Variants in PTPRN2 observed in about 807,000 individuals in gnomAD.
PTPRN2 encodes the protein protein tyrosine phosphatase receptor type N2, also known as receptor-type tyrosine-protein phosphatase N2.
Under a neutral mutation model 118.8 loss-of-function variants are expected in PTPRN2, and 74 were observed. That is an observed-to-expected ratio of 0.62 (90% CI 0.52 to 0.76). The LOEUF (loss-of-function observed/expected upper bound fraction) is 0.76, where lower values mean the gene tolerates loss of function less well. PTPRN2 is among the 30% of genes least tolerant of loss of function. PTPRN2 has a pLI of 0.00. For synonymous variants in PTPRN2, 641 were observed against 608.0 expected, an observed-to-expected ratio of 1.05 and a Z score of -0.80; for missense variants, 1,481 against 1,394.4, an observed-to-expected ratio of 1.06 and a Z score of -0.99.
chr7:158,118,178 G>T (rs540572307), intron 9 of PTPRN2, among the ~76,000 whole-genome samples: 1 of 152,012 alleles, frequency 6.6e-6, no homozygotes, highest in Admixed American at 6.5e-5. Context: ...TTTAAGAAAC[G>T]AATAAATTTT....
chr7:157,966,008 A>G (rs1801896791), intron 11 of PTPRN2, among the ~76,000 whole-genome samples: 3 of 152,228 alleles, frequency 2.0e-5, no homozygotes, highest in African/African-American at 7.2e-5. Context: ...TTTCACAGAC[A>G]CAGAGACACA....
At chr7:157,657,896 TCA>T (rs1176555343) in intron 13 of PTPRN2, among the ~76,000 whole-genome samples, 1 of 75,478 alleles carries the variant, frequency 1.3e-5, no homozygotes, top group African/African-American at 4.9e-5. Flanking sequence ...ACCACACACA[TCA>T]CAGACACACA....
chr7:157,991,050 G>T (rs571159029), intron 11 of PTPRN2, among the ~76,000 whole-genome samples: 4 of 152,302 alleles, frequency 2.6e-5, no homozygotes, highest in Admixed American at 2.0e-4. Context: ...CCACTGCCAG[G>T]CTTTGGGGTG....
In PTPRN2 at chr7:157,986,140, G is replaced by A. The variant is rs1803770758; in HGVS notation, c.1724-87403C>T. On this transcript the variant is annotated intron_variant, in intron 11 of 22. Coordinates refer to ENST00000389418, the MANE Select transcript of PTPRN2 (RefSeq NM_002847.5). This position sits in a 1 kb window ranked among gnomAD's most constrained non-coding sequence, Gnocchi z 4.5. ...GGTGCTCAGTGAGGCAATAGCATGA[G>A]ATAGATACCCTCATCTACAGCCCCG... Among the ~76,000 whole-genome samples, 1 of 152,210 alleles carries A rather than the reference G, an allele frequency of 6.6e-6. No homozygotes were observed. The highest frequency in any genetic ancestry group is 1.5e-5 in the Non-Finnish European group (1 of 68,046).
At chr7:158,414,067 C>CAA (rs34928217) in intron 2 of PTPRN2, among the ~76,000 whole-genome samples, 23 of 76,420 alleles carry the variant, frequency 3.0e-4, no homozygotes, top group African/African-American at 8.6e-4. Flanking sequence ...GCCTCTATCT[C>CAA]AAAAAAAAAA....
At chr7:158,161,872 A>G (rs1226604804) in intron 6 of PTPRN2, among the ~76,000 whole-genome samples, 1 of 152,208 alleles carries the variant, frequency 6.6e-6, no homozygotes. Context: ...ATATTCAAGA[A>G]CTTTACAAAC....
At chr7:158,066,490 G>A (rs573057857) in intron 11 of PTPRN2, among the ~76,000 whole-genome samples, 1 of 152,302 alleles carries the variant, frequency 6.6e-6, no homozygotes, top group South Asian at 2.1e-4. Context: ...CCTCAGTATG[G>A]AAGGGCTCTG....
chr7:158,352,976 C>G (rs547220469), intron 2 of PTPRN2, among the ~76,000 whole-genome samples: 3 of 152,262 alleles, frequency 2.0e-5, no homozygotes, highest in African/African-American at 7.2e-5. Context: ...GCCAATAGGC[C>G]AGACACTCGC....
Position 157,886,229 on chromosome 7 carries a change from C to G in PTPRN2, c.1788+12444G>C, listed in dbSNP as rs561649316. On this transcript the variant is annotated intron_variant, in intron 12 of 22. Transcript: ENST00000389418. ...CTTGCCTTCCACTAAGACCCAGGCA[C>G]AAGGCGGGCCTCCGTTTCTTCAGCG... Among the ~76,000 whole-genome samples the G allele has an allele frequency of 2.6e-5, 4 of 152,276 alleles. No homozygotes were observed. The South Asian group carries it at 8.3e-4, about 32-fold the overall frequency.
Position 157,748,294 on chromosome 7 carries a change from CTGGGGGATTCTGAGGCCTG to C in PTPRN2, c.1789-65376_1789-65358del, listed in dbSNP as rs1563067491. On this transcript the variant is annotated intron_variant, in intron 12 of 22. Transcript: ENST00000389418. ...CCTGCGTCCCTGAGCTGTGGGGTGT[CTGGGGGATTCTGAGGCCTG>C]CATCTCTGAGCAGAGGGGTGTCCGG... Among the ~76,000 whole-genome samples, 12 of 129,206 alleles carry C rather than the reference CTGGGGGATTCTGAGGCCTG, an allele frequency of 9.3e-5. No homozygotes were observed. The South Asian group carries it at 2.0e-3, about 21-fold the overall frequency. The allele number at this position is 129,206 out of a possible 152,430, so 84.8% of individuals were successfully genotyped here.
intron 12 of PTPRN2, among the ~76,000 whole-genome samples, chr7:157,747,918 G>A: frequency 4.9e-5 from 7 of 144,044 alleles, no homozygotes; most frequent in African/African-American, 7.8e-5. Flanking sequence ...CCTGAGGTGT[G>A]GGGTGTCCGG....
intron 14 of PTPRN2, among the ~76,000 whole-genome samples, chr7:157,638,872 T>C (rs1003445606): frequency 1.3e-5 from 2 of 152,186 alleles, no homozygotes; most frequent in African/African-American, 2.4e-5. Flanking sequence ...GCTCACCTGC[T>C]GCAGACCTTG....
intron 12 of PTPRN2, among the ~76,000 whole-genome samples, chr7:157,805,797 C>T (rs1169743493): frequency 6.6e-6 from 1 of 152,174 alleles, no homozygotes; most frequent in Non-Finnish European, 1.5e-5. Context: ...GCCAGAGGCC[C>T]CAGGAGCCCC....
intron 9 of PTPRN2, among the ~76,000 whole-genome samples, chr7:158,111,401 C>T (rs1419024101): frequency 6.6e-6 from 1 of 152,188 alleles, no homozygotes; most frequent in African/African-American, 2.4e-5. Flanking sequence ...CGGGGGCACT[C>T]CCGGAAGGCA....
chr7:157,607,054 C>G (rs56030904), intron 15 of PTPRN2, among the ~76,000 whole-genome samples: 7 of 152,228 alleles, frequency 4.6e-5, no homozygotes, highest in African/African-American at 1.7e-4. Context: ...GCAAGTCATC[C>G]CATCAGCTCT....
At chr7:157,970,927 A>T (rs920120883) in intron 11 of PTPRN2, among the ~76,000 whole-genome samples, 1 of 152,182 alleles carries the variant, frequency 6.6e-6, no homozygotes, top group Non-Finnish European at 1.5e-5. Flanking sequence ...CCACTCCATC[A>T]CATGACTTCC....
At chr7:157,783,679 G>A (rs552587724) in intron 12 of PTPRN2, among the ~76,000 whole-genome samples, 3 of 151,852 alleles carry the variant, frequency 2.0e-5, no homozygotes, top group African/African-American at 7.2e-5. Flanking sequence ...CAGAGAAGAC[G>A]CCCTGGCAGG....
chr7:158,397,959 G>A (rs1030872078), intron 2 of PTPRN2, among the ~76,000 whole-genome samples: 2 of 152,130 alleles, frequency 1.3e-5, no homozygotes, highest in East Asian at 1.9e-4. Flanking sequence ...AGTAGGAACC[G>A]GAGGGACGGC....
intron 2 of PTPRN2, among the ~76,000 whole-genome samples, chr7:158,397,338 A>C (rs1812591651): frequency 6.6e-6 from 1 of 152,200 alleles, no homozygotes; most frequent in African/African-American, 2.4e-5. Flanking sequence ...GCCTGCATCC[A>C]GACACCCTCA....
Sources: allele counts gnomAD v4.1 joint callset (sites outside exome capture counted in the v4.1 genomes callset), GRCh38; gene constraint gnomAD v4.1.1; non-coding constraint Gnocchi (gnomAD v3.1); transcripts MANE v1.5; gene names NCBI Gene and HGNC (gene_info 2026-07-23, HGNC 2026-07-21).